ALDH1L2: variants seen among roughly 807,000 people sequenced by gnomAD.
ALDH1L2 encodes aldehyde dehydrogenase 1 family member L2.
In ALDH1L2, 91 loss-of-function variants were observed where a neutral mutation model predicts 111.0. That is an observed-to-expected ratio of 0.82 (90% CI 0.69 to 0.98). The LOEUF (loss-of-function observed/expected upper bound fraction) is 0.98. ALDH1L2 is among the 50% of genes least tolerant of loss of function. ALDH1L2 has a pLI of 0.00. For synonymous variants in ALDH1L2, 374 were observed against 392.6 expected (o/e 0.95, Z 0.56); for missense variants, 995 against 1,126.8 (o/e 0.88, Z 1.67).
chr12:105,060,625 G>C (rs963172111), intron 9 of ALDH1L2: 7 of 170,212 alleles, frequency 4.1e-5, no homozygotes, highest in Non-Finnish European at 8.9e-5. Context: ...AGGAGTTCGA[G>C]ACCAGCCTAA....
chr12:105,083,143 T>A (rs1214354762), intron 1 of ALDH1L2, among the ~76,000 whole-genome samples: 1 of 152,198 alleles, frequency 6.6e-6, no homozygotes, highest in Admixed American at 6.5e-5. Context: ...TTCCTTCTGG[T>A]CACCAAAAAA....
chr12:105,050,003 C>G lies in ALDH1L2; in HGVS notation c.1591G>C (p.Asp531His). 1 of 1,610,914 alleles carries G rather than the reference C, an allele frequency of 6.2e-7. No homozygotes were observed. The highest frequency in any genetic ancestry group is 8.5e-7 in the Non-Finnish European group (1 of 1,178,150). ...GCCAAGGTATAGACAGCCCCTGAAT[C>G]AAGGGCTTCAATAGTTGCCAGCTCT... ...QEELATIEAL[D>H]SGAVYTLALK... Residue 531 changes from aspartate (D) to histidine (H), a missense_variant, in exon 13 of 23, where the codon GAT becomes CAT. Transcript: ENST00000258494.
chr12:105,068,329 CCT>C (rs1002944428), intron 4 of ALDH1L2, among the ~76,000 whole-genome samples: 15 of 151,882 alleles, frequency 9.9e-5, no homozygotes, highest in African/African-American at 3.1e-4. Context: ...CAAATTTCAC[CCT>C]GTTACAGAGG....
intron 7 of ALDH1L2, 33 bp downstream of exon 7, chr12:105,062,855 G>A: frequency 1.3e-6 from 2 of 1,597,004 alleles, no homozygotes; most frequent in Non-Finnish European, 1.7e-6. Flanking sequence ...AAATCAAAAG[G>A]TTATTTCATA....
chr12:105,066,330 C>T (rs1565969018), intron 5 of ALDH1L2, among the ~76,000 whole-genome samples: 1 of 152,144 alleles, frequency 6.6e-6, no homozygotes, highest in East Asian at 1.9e-4. Context: ...CCCACTCCAG[C>T]ATTAGAGATA....
At chr12:105,062,638 C>T (rs1877068847) in intron 7 of ALDH1L2, among the ~76,000 whole-genome samples, 1 of 152,182 alleles carries the variant, frequency 6.6e-6, no homozygotes, top group South Asian at 2.1e-4. Context: ...AATCATCCTG[C>T]CCAAGACCAG....
chr12:105,056,809 A>G (rs1211894380), intron 10 of ALDH1L2, among the ~76,000 whole-genome samples: 1 of 150,800 alleles, frequency 6.6e-6, no homozygotes. Flanking sequence ...AAAAAGGCAT[A>G]CTAGACATAT....
rs80204828 is a variant in ALDH1L2, at chr12:105,052,815, T to A, written c.1404A>T (p.Gly468=). 8.2e-5 allele frequency: 133 copies of A among 1,614,090 alleles called. 1 individual carries two copies. In the East Asian group the frequency reaches 2.9e-3, roughly 35 times the overall value. The change falls in exon 11 of 23, where the codon GGA becomes GGT. Residue 468 remains glycine, a synonymous_variant. Coordinates refer to ENST00000258494, the MANE Select transcript of ALDH1L2 (RefSeq NM_001034173.4). The part of the protein sequence containing the change: ...KTYDTINPTD[G]STICKVSYAS... ...CTCACACTAAAGAATTACTCACAGA[T>A]CCATCTGTTGGGTTGATAGTGTCGT...
intron 1 of ALDH1L2, among the ~76,000 whole-genome samples, chr12:105,074,514 A>G (rs1372068499): frequency 6.6e-6 from 1 of 151,402 alleles, no homozygotes; most frequent in Non-Finnish European, 1.5e-5. Context: ...AAAGAGGGTA[A>G]TCAGAGGGTC....
chr12:105,055,262 T>C (rs990995289), intron 10 of ALDH1L2, among the ~76,000 whole-genome samples: 1 of 152,212 alleles, frequency 6.6e-6, no homozygotes, highest in Non-Finnish European at 1.5e-5. Context: ...CTGGGAGACT[T>C]ATTGGCTCAA....
chr12:105,065,684 G>T (rs1270928661), intron 5 of ALDH1L2, among the ~76,000 whole-genome samples: 1 of 151,406 alleles, frequency 6.6e-6, no homozygotes, highest in Non-Finnish European at 1.5e-5. Context: ...TTTTTTTGAA[G>T]TTCCCACCTC....
At chr12:105,040,498 A>G in intron 16 of ALDH1L2, 109 bp downstream of exon 16, 1 of 980,580 alleles carries the variant, frequency 1.0e-6, no homozygotes, top group Non-Finnish European at 1.6e-6. Context: ...AATTGTATTT[A>G]GTTTTAATAC....
At position 105,033,026 on chromosome 12, in the gene ALDH1L2, A is replaced by C. The variant is rs185499468; in HGVS notation, c.2245-1092T>G. ...TCTTAACCTACTTCTGCATCTTCTA[A>C]TGTTAAGTCCAATTCTGGTAAGAAG... On this transcript the variant is annotated intron_variant, in intron 19 of 22. Coordinates refer to ENST00000258494, the MANE Select transcript of ALDH1L2 (RefSeq NM_001034173.4). 9.5e-4 allele frequency among the ~76,000 whole-genome samples: 145 copies of C among 152,276 alleles called. 1 individual carries two copies. Among genetic ancestry groups the C allele is most frequent in the Non-Finnish European group, 2.2e-4 (15 of 68,020 alleles).
chr12:105,065,076 T>C (rs1422038099), intron 6 of ALDH1L2, among the ~76,000 whole-genome samples, 191 bp downstream of exon 6: 3 of 152,122 alleles, frequency 2.0e-5, no homozygotes, highest in Non-Finnish European at 4.4e-5. Flanking sequence ...TGCAGGCTCC[T>C]TAGATCAGGC....
At chr12:105,036,860 C>G (rs531252270) in intron 18 of ALDH1L2, among the ~76,000 whole-genome samples, 1 of 152,110 alleles carries the variant, frequency 6.6e-6, no homozygotes, top group African/African-American at 2.4e-5. Flanking sequence ...CAGGGGAGTC[C>G]TGACCCCTGA....
chr12:105,070,575 G>A lies in ALDH1L2; in HGVS notation c.423C>T (p.Ile141=), dbSNP rs776604225. The A allele has an allele frequency of 1.2e-6, 2 of 1,604,164 alleles. No homozygotes were observed. Among genetic ancestry groups the A allele is most frequent in the African/African-American group, 2.7e-5 (2 of 74,422 alleles). Residue 141 remains isoleucine, a synonymous_variant, in exon 3 of 23, where the codon ATC becomes ATT. Transcript: ENST00000258494. The stretch of plus-strand genomic sequence containing the variant: ...GTAAAAAGAAAAAATCTCACCAATT[G>A]ATAGCAGAGGCTCCTCTGTGCCTGG... ...ILPRHRGASA[I]NWTLIMGDKK...
At chr12:105,069,227 G>A (rs936755502) in intron 3 of ALDH1L2, among the ~76,000 whole-genome samples, 2 of 152,122 alleles carry the variant, frequency 1.3e-5, no homozygotes, top group Non-Finnish European at 2.9e-5. Flanking sequence ...GCCCACCTGG[G>A]TCCAATTCCT....
chr12:105,050,474 T>G (rs1007722837), intron 12 of ALDH1L2: 12 of 211,458 alleles, frequency 5.7e-5, no homozygotes, highest in Non-Finnish European at 1.9e-5. Context: ...TTACAAACAC[T>G]GCAACAGATT....
chr12:105,027,269 A>G (rs1874464771), intron 21 of ALDH1L2, among the ~76,000 whole-genome samples: 2 of 152,264 alleles, frequency 1.3e-5, no homozygotes, highest in African/African-American at 4.8e-5. Context: ...TATATCATGC[A>G]ACACCTTTCA....
Sources: allele counts gnomAD v4.1 joint callset (sites outside exome capture counted in the v4.1 genomes callset), GRCh38; gene constraint gnomAD v4.1.1; transcripts MANE v1.5; gene names NCBI Gene and HGNC (gene_info 2026-07-23, HGNC 2026-07-21).